Variants in RASA3 observed in about 807,000 individuals in gnomAD.
RASA3 encodes RAS p21 protein activator 3, also known as ras GTPase-activating protein 3.
A neutral mutation model predicts 110.0 loss-of-function variants in RASA3; 73 were observed. The observed-to-expected ratio is 0.66, with a 90% CI of 0.55 to 0.81. The LOEUF is 0.81. Among genes scored for constraint, RASA3 ranks in the 30% least tolerant of loss-of-function variants. RASA3 has a pLI of 0.00. For missense variants in RASA3, 976 were observed against 1,113.2 expected (o/e 0.88, Z 1.75); for synonymous variants, 500 against 451.4 (o/e 1.11, Z -1.37).
chr13:114,019,071 G>A (rs1053427849), intron 9 of RASA3, 152 bp from the exon 10 acceptor site: 3 of 1,013,428 alleles, frequency 3.0e-6, no homozygotes, highest in South Asian at 3.3e-5. Context: ...ACTCCCCACC[G>A]AAGACCCCCA....
At chr13:114,030,715 A>T (rs569383572) in intron 4 of RASA3, among the ~76,000 whole-genome samples, 1 of 151,538 alleles carries the variant, frequency 6.6e-6, no homozygotes, top group Admixed American at 6.6e-5. Flanking sequence ...TGTGCGTACA[A>T]CTGTGTGTCT....
rs879869876 is a variant in RASA3, at chr13:114,060,569, G to A, written c.174-8414C>T. ...CAGTTCTGGCAGAGCCAAGACTGCC[G>A]GGAAGCCAGAGGGGCTCCTGCAGGA... On this transcript the variant is annotated intron_variant, in intron 2 of 23. Coordinates refer to ENST00000334062, the MANE Select transcript of RASA3 (RefSeq NM_007368.4). 4.6e-5 allele frequency among the ~76,000 whole-genome samples: 7 copies of A among 152,206 alleles called. No individual in the cohort carries two copies. In the East Asian group the frequency reaches 5.8e-4, roughly 13 times the overall value.
intron 3 of RASA3, among the ~76,000 whole-genome samples, chr13:114,049,014 TCCCCAACCCACAC>T (rs2079100880): frequency 6.7e-6 from 1 of 148,674 alleles, no homozygotes; most frequent in African/African-American, 2.5e-5. Context: ...TGCCCTCCCG[TCCCCAACCCACAC>T]CCCCGACCCC....
At chr13:114,032,530 C>T (rs1490511493) in intron 4 of RASA3, among the ~76,000 whole-genome samples, 4 of 152,116 alleles carry the variant, frequency 2.6e-5, no homozygotes, top group African/African-American at 9.7e-5. Context: ...CGCAGCCTGC[C>T]CTGCCAGGGT....
chr13:114,087,528 C>T (rs1031138183), intron 1 of RASA3, among the ~76,000 whole-genome samples: 119 of 152,316 alleles, frequency 7.8e-4, no homozygotes, highest in African/African-American at 2.6e-3. Flanking sequence ...GGCGGGATTG[C>T]GGGGGCACCT....
chr13:114,001,672 G>A (rs1450541102), intron 18 of RASA3, among the ~76,000 whole-genome samples: 1 of 149,804 alleles, frequency 6.7e-6, no homozygotes, highest in Non-Finnish European at 1.5e-5. Context: ...GTGGGCTCGG[G>A]GTCAGGGCAG....
intron 2 of RASA3, among the ~76,000 whole-genome samples, chr13:114,067,127 G>A (rs1000328865): frequency 3.3e-5 from 5 of 150,296 alleles, no homozygotes; most frequent in Non-Finnish European, 5.9e-5. Context: ...TGGGGCTGAG[G>A]ACGGGCCCCC....
At chr13:114,107,352 G>T (rs1404941452) in intron 1 of RASA3, among the ~76,000 whole-genome samples, 2 of 152,140 alleles carry the variant, frequency 1.3e-5, no homozygotes, top group Non-Finnish European at 2.9e-5. Flanking sequence ...ACCCTCGCGG[G>T]GGACGGGCCT....
intron 1 of RASA3, among the ~76,000 whole-genome samples, chr13:114,097,121 A>T (rs1273022958): frequency 6.6e-6 from 1 of 152,172 alleles, no homozygotes; most frequent in Non-Finnish European, 1.5e-5. Context: ...GTGTGCACAC[A>T]TCCCCTCCTG....
chr13:114,023,676 C>T (rs887843147), intron 8 of RASA3, among the ~76,000 whole-genome samples: 9 of 152,226 alleles, frequency 5.9e-5, no homozygotes, highest in Non-Finnish European at 1.2e-4. Context: ...TCCTGACCTG[C>T]GTGAACCCAC....
At chr13:114,015,550 T>C (rs553869796) in intron 13 of RASA3, among the ~76,000 whole-genome samples, 45 of 152,308 alleles carry the variant, frequency 3.0e-4, no homozygotes, top group African/African-American at 1.1e-3. Context: ...CCACGTCGGC[T>C]CCCCGGCTCG....
In RASA3 at chr13:114,078,099, G is replaced by A. The variant is rs569760156; in HGVS notation, c.56-4262C>T. 3.1e-4 allele frequency: 237 copies of A among 763,174 alleles called. 1 individual carries two copies. In the African/African-American group the frequency reaches 4.3e-3, roughly 14 times the overall value. 47.3% of individuals were successfully genotyped at this position (763,174 alleles called of 1,614,324 possible). On this transcript the variant is annotated intron_variant, in intron 1 of 23. Transcript: ENST00000334062. ...ATCCAATGAGCTGCTCAGACCAGGA[G>A]GGCTGGGGCTGCTGCAGCACGGCCT... is the stretch of plus-strand genomic sequence containing the variant.
intron 2 of RASA3, among the ~76,000 whole-genome samples, chr13:114,066,480 C>T (rs1263322964): frequency 6.6e-6 from 1 of 152,158 alleles, no homozygotes; most frequent in East Asian, 1.9e-4. Flanking sequence ...ATGGGATCCT[C>T]GGTGCGGCCC....
intron 2 of RASA3, among the ~76,000 whole-genome samples, chr13:114,058,461 C>A (rs77282003): frequency 6.6e-6 from 1 of 152,246 alleles, no homozygotes; most frequent in South Asian, 2.1e-4. Flanking sequence ...CCAGACCGGA[C>A]GGAAAACACA....
intron 1 of RASA3, among the ~76,000 whole-genome samples, chr13:114,109,800 A>G (rs1389332101): frequency 6.6e-6 from 1 of 152,160 alleles, no homozygotes; most frequent in Non-Finnish European, 1.5e-5. Context: ...GGGCTGGCGC[A>G]GGGCCACGAG....
At chr13:114,092,274 T>G (rs1406382943) in intron 1 of RASA3, among the ~76,000 whole-genome samples, 1 of 152,202 alleles carries the variant, frequency 6.6e-6, no homozygotes, top group African/African-American at 2.4e-5. Flanking sequence ...CTTGAAGTCT[T>G]TCTACTTCTA....
At chr13:114,026,812 C>CA (rs147587444) in intron 7 of RASA3, among the ~76,000 whole-genome samples, 1,532 of 152,360 alleles carry the variant, frequency 0.01, 16 homozygotes, top group Middle Eastern at 0.068. Flanking sequence ...GGCCACATGG[C>CA]AGGTCCTCAC....
Position 114,048,878 on chromosome 13 carries a change from C to T in RASA3, c.277+3174G>A. 6.7e-6 allele frequency among the ~76,000 whole-genome samples: 1 copy of T among 148,850 alleles called. No homozygotes were observed. The highest frequency in any genetic ancestry group is 2.1e-4 in the East Asian group (1 of 4,786). On this transcript the variant is annotated intron_variant, in intron 3 of 23. Coordinates refer to ENST00000334062, the MANE Select transcript of RASA3 (RefSeq NM_007368.4). This position sits in a 1 kb window ranked among gnomAD's most constrained non-coding sequence, Gnocchi z 4.3. ...CAGCCGGTGGAGGTGCCGGGGTGGG[C>T]TGGGGAGGGCTGAGGGCAGGCCTTT...
intron 9 of RASA3, among the ~76,000 whole-genome samples, chr13:114,019,869 C>CG (rs1287466838): frequency 5.7e-5 from 4 of 70,202 alleles, no homozygotes; most frequent in Non-Finnish European, 8.0e-5. Context: ...CATTAGCCCC[C>CG]CTCAGGTGGG....
Sources: gnomAD v4.1 joint callset for allele counts (sites outside exome capture counted in the v4.1 genomes callset) on GRCh38, gnomAD v4.1.1 for gene constraint, Gnocchi (gnomAD v3.1) non-coding constraint, MANE v1.5 for transcripts, NCBI Gene and HGNC (gene_info 2026-07-23, HGNC 2026-07-21) for gene names.